SLC4A4: variants seen among roughly 807,000 people sequenced by gnomAD.
SLC4A4 encodes the protein solute carrier family 4 member 4.
A neutral mutation model predicts 111.5 loss-of-function variants in SLC4A4; 27 were observed. That is an observed-to-expected ratio of 0.24 (90% CI 0.18 to 0.33). The LOEUF is 0.33. Ranked by LOEUF, SLC4A4 falls within the 10% of genes least tolerant of loss-of-function variation. SLC4A4 has a pLI of 1.00. For missense variants in SLC4A4, 909 were observed against 1,315.5 expected (o/e 0.69, Z 4.78); for synonymous variants, 443 against 463.4 (o/e 0.96, Z 0.57).
intron 3 of SLC4A4, among the ~76,000 whole-genome samples, chr4:71,268,075 G>GTTTTTTTTTTTTTT (rs10657146): frequency 1.1e-5 from 1 of 87,586 alleles, no homozygotes; most frequent in Non-Finnish European, 2.0e-5. Flanking sequence ...ATAAAGTAGT[G>GTTTTTTTTTTTTTT]TTTTTTTTTT....
chr4:71,081,034 A>G (rs970885951), intron 1 of SLC4A4, among the ~76,000 whole-genome samples: 3 of 152,084 alleles, frequency 2.0e-5, no homozygotes, highest in African/African-American at 4.8e-5. Context: ...AGGCAAAACC[A>G]TCAGGAAGAA....
At chr4:71,316,382 T>G (rs1578820926) in intron 3 of SLC4A4, among the ~76,000 whole-genome samples, 2 of 152,090 alleles carry the variant, frequency 1.3e-5, no homozygotes, top group African/African-American at 4.8e-5. Flanking sequence ...TGCAAATGTT[T>G]TAATAGGAAT....
Position 71,311,910 on chromosome 4 carries a change from AG to A in SLC4A4, c.254-27459del, listed in dbSNP as rs1726215112. On this transcript the variant is annotated intron_variant, in intron 3 of 25. Transcript: ENST00000264485. ...GGCTGTGAGAGAGAGAGAGAGAGAG[AG>A]AGAGAGAGAGAGAGAGAGAGAGAAG... 2.6e-5 allele frequency among the ~76,000 whole-genome samples: 4 copies of A among 151,340 alleles called. No individual in the cohort carries two copies. In the South Asian group the frequency reaches 8.4e-4, roughly 32 times the overall value.
At position 71,339,431 on chromosome 4, in the gene SLC4A4, C is replaced by A; in HGVS notation, c.315C>A (p.Pro105=). The A allele has an allele frequency of 6.2e-7, 1 of 1,614,128 alleles. No individual in the cohort carries two copies. The highest frequency in any genetic ancestry group is 8.5e-7 in the Non-Finnish European group (1 of 1,180,022). The change falls in exon 4 of 26, where the codon CCC becomes CCA. Residue 105 remains proline (P), a synonymous_variant. Coordinates refer to ENST00000264485, the MANE Select transcript of SLC4A4 (RefSeq NM_001098484.3). ...GAGAGGAGGATGACAGCCCAGCTCC[C>A]CCTCAGCTCTTCACGGAACTGGATG... ...ILGEEDDSPA[P]PQLFTELDEL...
In SLC4A4 at chr4:71,294,311, TG is replaced by T. The variant is rs1724608555; in HGVS notation, c.253+38914del. On this transcript the variant is annotated intron_variant, in intron 3 of 25. Transcript: ENST00000264485. ...TGGAACTTGTCTTCACTCTGCAGAATGGCCTGTTCATTGTATTTCCCTTGGC... is the reference window on the plus strand; with the variant it reads ...TGGAACTTGTCTTCACTCTGCAGAATGCCTGTTCATTGTATTTCCCTTGGC... Among the ~76,000 whole-genome samples the T allele has an allele frequency of 2.0e-5, 3 of 152,358 alleles. No individual in the cohort carries two copies. In the South Asian group the frequency reaches 6.2e-4, roughly 32 times the overall value.
chr4:71,361,052 A>G (rs1227892726), intron 6 of SLC4A4, among the ~76,000 whole-genome samples: 1 of 152,114 alleles, frequency 6.6e-6, no homozygotes, highest in Non-Finnish European at 1.5e-5. Flanking sequence ...CCACCCTGAG[A>G]ACAGAGGGAA....
At chr4:71,482,823 A>G (rs1192335234) in intron 14 of SLC4A4, among the ~76,000 whole-genome samples, 3 of 151,606 alleles carry the variant, frequency 2.0e-5, no homozygotes, top group Admixed American at 1.3e-4. Context: ...CACATAAGTC[A>G]TCTGATTTTG....
chr4:71,153,976 C>A (rs963808406), intron 2 of SLC4A4, among the ~76,000 whole-genome samples: 2 of 152,098 alleles, frequency 1.3e-5, no homozygotes, highest in African/African-American at 2.4e-5. Context: ...GTGAGGTGAA[C>A]AAAACAATGT....
chr4:71,358,758 G>T (rs1258231797), intron 6 of SLC4A4, among the ~76,000 whole-genome samples: 1 of 151,878 alleles, frequency 6.6e-6, no homozygotes, highest in Non-Finnish European at 1.5e-5. Flanking sequence ...TTACTTAATG[G>T]CTAGAAAGTT....
chr4:71,145,160 G>A (rs1578521519), intron 2 of SLC4A4, among the ~76,000 whole-genome samples: 2 of 152,032 alleles, frequency 1.3e-5, no homozygotes, highest in South Asian at 2.1e-4. Flanking sequence ...AGCATGAAGG[G>A]GTGTTGAATT....
chr4:71,463,824 A>T (rs1727066322), intron 12 of SLC4A4, among the ~76,000 whole-genome samples: 1 of 152,156 alleles, frequency 6.6e-6, no homozygotes, highest in South Asian at 2.1e-4. Flanking sequence ...AGAAACATGG[A>T]TGATGCCAGA....
At chr4:71,311,157 A>G (rs1223559603) in intron 3 of SLC4A4, among the ~76,000 whole-genome samples, 2 of 152,338 alleles carry the variant, frequency 1.3e-5, no homozygotes, top group East Asian at 3.9e-4. Context: ...TCCTAAATAT[A>G]TATGCACCCA....
intron 7 of SLC4A4, among the ~76,000 whole-genome samples, chr4:71,423,804 T>G (rs568496777): frequency 6.6e-6 from 1 of 152,164 alleles, no homozygotes; most frequent in Non-Finnish European, 1.5e-5. Context: ...AAAGCTGAAA[T>G]TGGCTCCCTT....
At position 71,065,247 on chromosome 4, in the gene SLC4A4, G is replaced by A. The variant is rs541428984; in HGVS notation, c.-65+2459G>A. ...TCAACCATTCAAATAACATTTAACC[G>A]TATGGTGTTTTACATCATCCATTTT... On this transcript the variant is annotated intron_variant, in intron 1 of 26. Coordinates refer to the SLC4A4 transcript ENST00000649996. Among the ~76,000 whole-genome samples the A allele has an allele frequency of 3.5e-4, 54 of 152,130 alleles. 1 individual carries two copies. The South Asian group carries it at 0.01, about 29-fold the overall frequency.
chr4:71,138,419 T>C (rs1405391398), intron 2 of SLC4A4, among the ~76,000 whole-genome samples: 1 of 152,108 alleles, frequency 6.6e-6, no homozygotes. Context: ...GCAGAGCCTA[T>C]GGGAAAGAAC....
At chr4:71,109,764 A>G (rs1743038296) in intron 2 of SLC4A4, among the ~76,000 whole-genome samples, 1 of 152,122 alleles carries the variant, frequency 6.6e-6, no homozygotes, top group Non-Finnish European at 1.5e-5. Context: ...GCTGGTCTCG[A>G]AACCCTGACC....
rs755571236 is a variant in SLC4A4 at position 71,546,338 on chromosome 4, C to T, written c.2443-12C>T. 36 of 1,609,530 alleles carry T rather than the reference C, an allele frequency of 2.2e-5. 2 individuals carry two copies. The South Asian group carries it at 4.0e-4, about 18-fold the overall frequency. On this transcript the variant is annotated splice_polypyrimidine_tract_variant and intron_variant, in intron 18 of 25. Transcript: ENST00000264485. ...TCTTTTCTTCACATGGTTTTGTTAT[C>T]TCTTTCTACAGAAAGGAGCAGGGTA...
At chr4:71,525,035 C>A (rs1319424175) in intron 16 of SLC4A4, among the ~76,000 whole-genome samples, 1 of 152,146 alleles carries the variant, frequency 6.6e-6, no homozygotes, top group Non-Finnish European at 1.5e-5. Flanking sequence ...AAACCTAATT[C>A]ATTTTTCCAC....
chr4:71,446,979 A>G (rs941070010), intron 8 of SLC4A4, among the ~76,000 whole-genome samples: 1 of 152,250 alleles, frequency 6.6e-6, no homozygotes, highest in Non-Finnish European at 1.5e-5. Context: ...CCTGTTTGCT[A>G]TGAAGCAATG....
Sources: allele counts gnomAD v4.1 joint callset (sites outside exome capture counted in the v4.1 genomes callset), GRCh38; gene constraint gnomAD v4.1.1; transcripts MANE v1.5; gene names NCBI Gene and HGNC (gene_info 2026-07-23, HGNC 2026-07-21).